TOX2: variants seen among roughly 807,000 people sequenced by gnomAD.
TOX2 encodes TOX high mobility group box family member 2, also known as granulosa cell HMG box 1.
TOX2 carries 15 observed loss-of-function variants against 47.4 expected under a neutral mutation model. The observed-to-expected ratio is 0.32, with a 90% CI of 0.21 to 0.49. TOX2 has a LOEUF of 0.49. TOX2 is among the 20% of genes least tolerant of loss of function. The pLI is 0.99. For missense variants in TOX2, 622 were observed against 673.1 expected, an observed-to-expected ratio of 0.92 and a Z score of 0.84; for synonymous variants, 290 against 296.6, an observed-to-expected ratio of 0.98 and a Z score of 0.23.
intron 2 of TOX2, among the ~76,000 whole-genome samples, chr20:44,004,241 C>T (rs2070638518): frequency 6.6e-6 from 1 of 152,066 alleles, no homozygotes; most frequent in African/African-American, 2.4e-5. Context: ...GACTGGGCAT[C>T]GAGAGGCTCC....
intron 3 of TOX2, among the ~76,000 whole-genome samples, chr20:44,046,059 A>G (rs2071404818): frequency 6.6e-6 from 1 of 152,254 alleles, no homozygotes; most frequent in Admixed American, 6.5e-5. Flanking sequence ...TGTATGATTA[A>G]TAATCAAATA....
chr20:44,063,763 CACACACACATATACATATATATGT>C lies in TOX2; in HGVS notation c.880-1004_880-981del, dbSNP rs1030905886. 6.4e-4 allele frequency among the ~76,000 whole-genome samples: 70 copies of C among 108,628 alleles called. No homozygotes were observed. In the South Asian group the frequency reaches 7.2e-3, roughly 11 times the overall value. 71.3% of individuals were successfully genotyped at this position (108,628 alleles called of 152,430 possible). ...ATATATACACACATATATATGTACA[CACACACACATATACATATATATGT>C]ACACACACACACACACAAACACCAT... On this transcript the variant is annotated intron_variant, in intron 5 of 8. Transcript: ENST00000341197.
intron 3 of TOX2, among the ~76,000 whole-genome samples, chr20:44,029,265 A>G (rs1453799939): frequency 6.6e-6 from 1 of 152,250 alleles, no homozygotes; most frequent in Non-Finnish European, 1.5e-5. Context: ...AGATTAGTCA[A>G]AACAAGACGG....
At chr20:43,935,436 T>G (rs554039218) in intron 1 of TOX2, among the ~76,000 whole-genome samples, 6 of 152,158 alleles carry the variant, frequency 3.9e-5, no homozygotes, top group African/African-American at 1.4e-4. Flanking sequence ...ACCAGTGGAG[T>G]TGGGGCGGGG....
intron 2 of TOX2, among the ~76,000 whole-genome samples, chr20:43,987,534 G>A (rs898267840): frequency 4.6e-5 from 7 of 152,152 alleles, no homozygotes; most frequent in Non-Finnish European, 7.3e-5. Flanking sequence ...TCAATAAGGT[G>A]TAAAAAAAGA....
intron 1 of TOX2, among the ~76,000 whole-genome samples, chr20:43,919,450 T>C (rs1313109398): frequency 6.6e-6 from 1 of 152,212 alleles, no homozygotes; most frequent in Non-Finnish European, 1.5e-5. Flanking sequence ...AGGAAGGCCT[T>C]GTGGTCTAGA....
At chr20:43,987,447 A>C (rs61234582) in intron 2 of TOX2, among the ~76,000 whole-genome samples, 6,412 of 152,268 alleles carry the variant, frequency 0.042, 475 homozygotes, top group African/African-American at 0.15. Flanking sequence ...TGCTGTTTAC[A>C]CAAATCTGTT....
At chr20:43,954,390 C>A (rs1292083056) in intron 1 of TOX2, among the ~76,000 whole-genome samples, 2 of 152,236 alleles carry the variant, frequency 1.3e-5, no homozygotes, top group Non-Finnish European at 2.9e-5. Flanking sequence ...CAACGTGTGA[C>A]CACCTTTGTG....
chr20:43,944,025 G>A (rs2145357337), intron 1 of TOX2, among the ~76,000 whole-genome samples: 1 of 152,276 alleles, frequency 6.6e-6, no homozygotes, highest in African/African-American at 2.4e-5. Flanking sequence ...CATGCTTACA[G>A]CTTTGTGTGT....
intron 1 of TOX2, among the ~76,000 whole-genome samples, chr20:43,952,839 C>A (rs1437119861): frequency 6.6e-6 from 1 of 152,062 alleles, no homozygotes; most frequent in African/African-American, 2.4e-5. Flanking sequence ...GAATAATGAC[C>A]CCTAAGTATA....
chr20:44,065,670 C>A (rs772130786), intron 6 of TOX2, 42 bp from the exon 7 acceptor site: 1 of 1,540,218 alleles, frequency 6.5e-7, no homozygotes, highest in Non-Finnish European at 8.8e-7. Context: ...TCTGGCTCAT[C>A]CCTCTTCTGT....
At chr20:44,003,877 G>A (rs2070631879) in intron 2 of TOX2, among the ~76,000 whole-genome samples, 1 of 152,150 alleles carries the variant, frequency 6.6e-6, no homozygotes, top group African/African-American at 2.4e-5. Flanking sequence ...TGGGACTGTG[G>A]ACTTCATCCT....
At chr20:43,999,432 A>G (rs1164907081) in intron 2 of TOX2, among the ~76,000 whole-genome samples, 1 of 152,172 alleles carries the variant, frequency 6.6e-6, no homozygotes, top group Non-Finnish European at 1.5e-5. Context: ...GTTTCTGTAA[A>G]CCAACAATGA....
At chr20:44,011,690 G>A (rs1230860168) in intron 3 of TOX2, among the ~76,000 whole-genome samples, 2 of 152,242 alleles carry the variant, frequency 1.3e-5, no homozygotes. Context: ...TGGCCAGGGT[G>A]CTTCAGGCGT....
At chr20:43,960,623 T>A (rs2069742186) in intron 1 of TOX2, among the ~76,000 whole-genome samples, 1 of 152,390 alleles carries the variant, frequency 6.6e-6, no homozygotes, top group Non-Finnish European at 1.5e-5. Context: ...ACTCAGAGTC[T>A]GTTTGGTACC....
At chr20:43,931,359 T>C (rs1457337589) in intron 1 of TOX2, among the ~76,000 whole-genome samples, 4 of 152,196 alleles carry the variant, frequency 2.6e-5, no homozygotes, top group Admixed American at 2.6e-4. Context: ...GGTCTCCAAC[T>C]CCTGGGCTCA....
chr20:44,006,836 G>A lies in TOX2; in HGVS notation c.411+44G>A, dbSNP rs192977294. On this transcript the variant is annotated intron_variant, in intron 3 of 8. Coordinates refer to ENST00000341197, the MANE Select transcript of TOX2 (RefSeq NM_001098797.2). ...CTGCAGTTCCTGCTGATGACAGCAG[G>A]GAGGGGGTTGAGAGGGAAGCAGAAG... 190 of 1,590,120 alleles carry A rather than the reference G, an allele frequency of 1.2e-4. No individual in the cohort carries two copies. The East Asian group carries it at 3.3e-3, about 28-fold the overall frequency.
intron 3 of TOX2, among the ~76,000 whole-genome samples, chr20:44,011,868 G>A (rs2070782444): frequency 6.6e-6 from 1 of 152,232 alleles, no homozygotes; most frequent in African/African-American, 2.4e-5. Context: ...TGCAGGCGTG[G>A]GTGGGAGTTA....
chr20:43,958,769 G>A (rs2145419509), intron 1 of TOX2, among the ~76,000 whole-genome samples: 1 of 152,372 alleles, frequency 6.6e-6, no homozygotes, highest in African/African-American at 2.4e-5. Context: ...CAACAATTTG[G>A]TGGTTGTAAC....
Sources: allele counts gnomAD v4.1 joint callset (sites outside exome capture counted in the v4.1 genomes callset), GRCh38; gene constraint gnomAD v4.1.1; transcripts MANE v1.5; gene names NCBI Gene and HGNC (gene_info 2026-07-23, HGNC 2026-07-21).